CEP63: variants seen among roughly 807,000 people sequenced by gnomAD.
The protein encoded by CEP63 is centrosomal protein of 63 kDa.
Under a neutral mutation model 89.1 loss-of-function variants are expected in CEP63, and 84 were observed. The ratio of observed to expected loss-of-function variants is 0.94; its 90% confidence interval spans 0.79 to 1.13. The LOEUF (loss-of-function observed/expected upper bound fraction) is 1.13, where lower values mean the gene tolerates loss of function less well. Among genes scored for constraint, CEP63 ranks in the 50% most tolerant of loss-of-function variants. The pLI is 0.00. For synonymous variants in CEP63, 267 were observed against 272.5 expected (o/e 0.98, Z 0.20); for missense variants, 838 against 813.3 (o/e 1.03, Z -0.37).
chr3:134,775,584 G>A, the CEP63 span, among the ~76,000 whole-genome samples: 2 of 152,110 alleles, frequency 1.3e-5, no homozygotes, highest in Non-Finnish European at 2.9e-5. Context: ...CCAGTATAGG[G>A]GATCCCAGGG....
intron 10 of CEP63, among the ~76,000 whole-genome samples, chr3:134,585,307 C>T (rs1347393026): frequency 1.6e-4 from 25 of 151,924 alleles, no homozygotes; most frequent in Admixed American, 7.9e-4. Context: ...TCTTTCCTGC[C>T]TTCTCTTGTG....
intron 1 of CEP63, 43 bp downstream of exon 1, chr3:134,486,245 T>C: frequency 1.0e-6 from 1 of 985,264 alleles, no homozygotes; most frequent in Non-Finnish European, 1.2e-6. Context: ...GGCAACCCTG[T>C]AACCGCCGGT....
At chr3:134,586,024 C>CT (rs896747893) in intron 10 of CEP63, among the ~76,000 whole-genome samples, 64 of 131,812 alleles carry the variant, frequency 4.9e-4, no homozygotes, top group African/African-American at 1.6e-3. Flanking sequence ...GCAACTCCTG[C>CT]TTTTTTTTGC....
At chr3:134,495,819 A>C (rs1280458027) in intron 2 of CEP63, among the ~76,000 whole-genome samples, 3 of 152,230 alleles carry the variant, frequency 2.0e-5, no homozygotes, top group African/African-American at 4.8e-5. Context: ...TATGAATGAG[A>C]ACATGAGATA....
the CEP63 span, among the ~76,000 whole-genome samples, chr3:134,684,560 T>C: frequency 6.6e-6 from 1 of 152,220 alleles, no homozygotes; most frequent in East Asian, 1.9e-4. Context: ...CTCCCTCTAA[T>C]TCAACAAAGG....
intron 14 of CEP63, among the ~76,000 whole-genome samples, chr3:134,560,102 G>A (rs1166410253): frequency 6.6e-6 from 1 of 152,190 alleles, no homozygotes; most frequent in Non-Finnish European, 1.5e-5. Context: ...TTCAAAATAA[G>A]TCCTCACTTC....
downstream of CEP63, among the ~76,000 whole-genome samples, chr3:134,592,020 AGG>A (rs1179984030): frequency 6.6e-6 from 1 of 152,208 alleles, no homozygotes; most frequent in African/African-American, 2.4e-5. Context: ...ACAATTTTTC[AGG>A]GTCAGGAATT....
chr3:134,637,557 C>T, the CEP63 span, among the ~76,000 whole-genome samples: 1 of 152,234 alleles, frequency 6.6e-6, no homozygotes, highest in African/African-American at 2.4e-5. Flanking sequence ...CTGGAACAAT[C>T]TCCATAAGCT....
chr3:134,619,710 G>A, the CEP63 span, among the ~76,000 whole-genome samples: 1 of 152,252 alleles, frequency 6.6e-6, no homozygotes, highest in Non-Finnish European at 1.5e-5. Flanking sequence ...ACTAAGGAGG[G>A]GATGAAGACA....
intron 6 of CEP63, among the ~76,000 whole-genome samples, chr3:134,543,384 G>A (rs552201784): frequency 6.6e-6 from 1 of 152,282 alleles, no homozygotes; most frequent in East Asian, 1.9e-4. Context: ...TTTAGAATTT[G>A]TACTTGAGTT....
the CEP63 span, among the ~76,000 whole-genome samples, chr3:134,668,907 C>T: frequency 3.3e-5 from 5 of 152,286 alleles, no homozygotes; most frequent in South Asian, 4.1e-4. Flanking sequence ...TCAAAGAACT[C>T]GTCTTATATT....
At chr3:134,633,546 T>G in the CEP63 span, among the ~76,000 whole-genome samples, 1 of 152,070 alleles carries the variant, frequency 6.6e-6, no homozygotes, top group East Asian at 1.9e-4. Flanking sequence ...TTTGACAAAA[T>G]TTAACATCCG....
At chr3:134,492,412 A>T (rs1028646093) in intron 1 of CEP63, among the ~76,000 whole-genome samples, 2 of 152,198 alleles carry the variant, frequency 1.3e-5, no homozygotes, top group African/African-American at 4.8e-5. Flanking sequence ...AGCAACTCAG[A>T]TGACAAACAT....
the CEP63 span, among the ~76,000 whole-genome samples, chr3:134,780,250 G>A: frequency 1.3e-5 from 2 of 152,002 alleles, no homozygotes; most frequent in Non-Finnish European, 2.9e-5. Context: ...TTTAACACTG[G>A]ATGCTTTTTT....
At chr3:134,617,930 C>T in the CEP63 span, among the ~76,000 whole-genome samples, 2 of 152,214 alleles carry the variant, frequency 1.3e-5, no homozygotes, top group East Asian at 3.9e-4. Flanking sequence ...ACCAGGGAAG[C>T]CTGGACAGAG....
rs192831958 is a variant in CEP63 at position 134,513,947 on chromosome 3, A to G, written c.222+6661A>G. 9.3e-4 allele frequency among the ~76,000 whole-genome samples: 141 copies of G among 152,338 alleles called. 1 individual carries two copies. The highest frequency in any genetic ancestry group is 3.3e-3 in the African/African-American group (138 of 41,574). ...AGATTATTCAAATAATTTTGCAAAT[A>G]ATGCTTGGTACTTGCTCAGAAAATA... is the stretch of plus-strand genomic sequence containing the variant. On this transcript the variant is annotated intron_variant, in intron 3 of 14. Transcript: ENST00000675561.
chr3:134,548,475 C>T (rs529653563), intron 9 of CEP63, among the ~76,000 whole-genome samples: 1 of 152,256 alleles, frequency 6.6e-6, no homozygotes, highest in African/African-American at 2.4e-5. Context: ...TTTTCATAAC[C>T]TCTCAACTTT....
intron 3 of CEP63, among the ~76,000 whole-genome samples, chr3:134,520,661 A>G (rs1256725243): frequency 6.6e-6 from 1 of 152,170 alleles, no homozygotes; most frequent in Non-Finnish European, 1.5e-5. Flanking sequence ...ATATTAAGAC[A>G]GTGTGGTATT....
At chr3:134,729,597 G>A in the CEP63 span, among the ~76,000 whole-genome samples, 1 of 152,122 alleles carries the variant, frequency 6.6e-6, no homozygotes, top group African/African-American at 2.4e-5. Flanking sequence ...TATGAAGTTT[G>A]CATTTTTCCC....
Sources: gnomAD v4.1 joint callset for allele counts (sites outside exome capture counted in the v4.1 genomes callset) on GRCh38, gnomAD v4.1.1 for gene constraint, MANE v1.5 for transcripts, NCBI Gene and HGNC (gene_info 2026-07-23, HGNC 2026-07-21) for gene names.